The following SMC6 variants were observed in gnomAD, a reference collection of about 807,000 sequenced individuals.
The protein encoded by SMC6 is structural maintenance of chromosomes 6, also known as structural maintenance of chromosomes protein 6.
A neutral mutation model predicts 142.2 loss-of-function variants in SMC6; 79 were observed. The ratio of observed to expected loss-of-function variants is 0.56; its 90% CI spans 0.46 to 0.67. The LOEUF is 0.67. SMC6 is among the 30% of genes least tolerant of loss of function. The probability of loss-of-function intolerance (pLI) is 0.00; values close to 1 mark genes in which losing one functional copy is unlikely to be tolerated. For missense variants in SMC6, 1,072 were observed against 1,284.0 expected, an observed-to-expected ratio of 0.83 and a Z score of 2.52; for synonymous variants, 411 against 412.4, an observed-to-expected ratio of 1.00 and a Z score of 0.04.
At position 17,745,872 on chromosome 2, in the gene SMC6, A is replaced by G. The variant is rs774124113; in HGVS notation, c.75T>C (p.Asp25=). 4 of 1,612,588 alleles carry G rather than the reference A, an allele frequency of 2.5e-6. No homozygotes were observed. The Admixed American group carries it at 6.7e-5, about 27-fold the overall frequency. Residue 25 remains aspartate (D), a synonymous_variant, in exon 3 of 28, where the codon GAT becomes GAC. Coordinates refer to ENST00000448223, the MANE Select transcript of SMC6 (RefSeq NM_001142286.2). ...CGTCTTCGTCACCATCTTTATCAAAATCCTCCAATTCTTCTTGTCTTGGCC... is the reference window on the plus strand; with the variant it reads ...CGTCTTCGTCACCATCTTTATCAAAGTCCTCCAATTCTTCTTGTCTTGGCC... ...AKRPRQEELE[D]FDKDGDEDEC...
chr2:17,669,797 C>T (rs1426247016), intron 26 of SMC6, among the ~76,000 whole-genome samples: 1 of 152,066 alleles, frequency 6.6e-6, no homozygotes, highest in African/African-American at 2.4e-5. Flanking sequence ...TACTATATGC[C>T]TGAACCACAG....
Position 17,707,325 on chromosome 2 carries a change from T to C in SMC6, c.1900A>G (p.Arg634Gly), listed in dbSNP as rs1458681423. The change falls in exon 18 of 28, where the codon AGA becomes GGA. Residue 634 changes from arginine to glycine, a missense_variant. Arg to Gly is a moderately radical substitution (Grantham distance 125, BLOSUM62 -2). This residue lies in a region of SMC6 where 994 missense variants were observed against 1,153.2 expected (regional missense o/e 0.86). Coordinates refer to ENST00000448223, the MANE Select transcript of SMC6 (RefSeq NM_001142286.2). ...MQSQKPPKNC[R>G]EAFTADGDQV... The stretch of plus-strand genomic sequence containing the variant: ...TCACCATCAGCAGTAAAAGCTTCTC[T>C]ACAATTTTTGGGTGGCTTTTGGGAC... 8.7e-6 allele frequency: 14 copies of C among 1,603,346 alleles called. No homozygotes were observed. Among genetic ancestry groups the C allele is most frequent in the Non-Finnish European group, 6.0e-6 (7 of 1,175,382 alleles).
intron 23 of SMC6, among the ~76,000 whole-genome samples, chr2:17,693,543 T>C (rs1021569938): frequency 1.3e-5 from 2 of 151,696 alleles, no homozygotes; most frequent in Non-Finnish European, 2.9e-5. Context: ...CGGGGCCGGC[T>C]GTGTGGTGGG....
Position 17,721,637 on chromosome 2 carries a change from A to G in SMC6, c.727-376T>C, listed in dbSNP as rs554697917. Among the ~76,000 whole-genome samples, 25 of 152,290 alleles carry G rather than the reference A, an allele frequency of 1.6e-4. 1 individual carries two copies. Among genetic ancestry groups the G allele is most frequent in the African/African-American group, 6.0e-4 (25 of 41,572 alleles). ...TCAATAGGCATTCCAAAGAGAATGTAAGGATGAGAAGAAATTTATTTCTGA... is the reference window on the plus strand; with the variant it reads ...TCAATAGGCATTCCAAAGAGAATGTGAGGATGAGAAGAAATTTATTTCTGA... On this transcript the variant is annotated intron_variant, in intron 9 of 27. Coordinates refer to ENST00000448223, the MANE Select transcript of SMC6 (RefSeq NM_001142286.2).
intron 4 of SMC6, among the ~76,000 whole-genome samples, chr2:17,739,835 C>G (rs1372320095): frequency 8.4e-6 from 1 of 119,048 alleles, no homozygotes; most frequent in Non-Finnish European, 1.7e-5. Flanking sequence ...CACACACACA[C>G]ACACACACAG....
At chr2:17,671,545 G>A (rs1281109228) in intron 25 of SMC6, among the ~76,000 whole-genome samples, 2 of 144,724 alleles carry the variant, frequency 1.4e-5, no homozygotes, top group Non-Finnish European at 3.0e-5. Flanking sequence ...GGAGACAGAG[G>A]TTGCAGTGAG....
chr2:17,712,118 G>A (rs1668856993), intron 16 of SMC6, among the ~76,000 whole-genome samples: 1 of 152,134 alleles, frequency 6.6e-6, no homozygotes, highest in Non-Finnish European at 1.5e-5. Flanking sequence ...TTGAAGGAAG[G>A]TGTATTTAAT....
chr2:17,670,525 C>T lies in SMC6; in HGVS notation c.2961G>A (p.Leu987=), dbSNP rs1282077650. 6 of 1,602,386 alleles carry T rather than the reference C, an allele frequency of 3.7e-6. No individual in the cohort carries two copies. The highest frequency in any genetic ancestry group is 5.1e-6 in the Non-Finnish European group (6 of 1,176,668). Residue 987 remains leucine, a synonymous_variant, in exon 26 of 28, where the codon TTG becomes TTA. Coordinates refer to ENST00000448223, the MANE Select transcript of SMC6 (RefSeq NM_001142286.2). The part of the protein sequence containing the change: ...NKAAFNDMRA[L]SGGERSFSTV... ...TGGAGAAAGAACGTTCACCTCCAGA[C>T]AAGGCTCTCATGTCATTGAAAGCAG...
At chr2:17,670,275 G>T in intron 26 of SMC6, 148 bp downstream of exon 26, 1 of 796,238 alleles carries the variant, frequency 1.3e-6, no homozygotes, top group Non-Finnish European at 1.9e-6. Context: ...TAGTTCTTTA[G>T]TTCTTCCCCA....
rs75260811 is a variant in SMC6 at position 17,699,392 on chromosome 2, G to T, written c.2394+816C>A. Among the ~76,000 whole-genome samples the T allele has an allele frequency of 4.8e-3, 736 of 152,154 alleles. 4 individuals are homozygous for T. The highest frequency in any genetic ancestry group is 0.016 in the African/African-American group (683 of 41,540). On this transcript the variant is annotated intron_variant, in intron 21 of 27. Transcript: ENST00000448223. ...TGTAAGACCTTTTCTTTAATTTCCA[G>T]AAGTTTCACTGTAATGTGTCTTATT...
At chr2:17,725,171 G>T in intron 9 of SMC6, 86 bp downstream of exon 9, 1 of 831,442 alleles carries the variant, frequency 1.2e-6, no homozygotes, top group Non-Finnish European at 1.9e-6. Flanking sequence ...TAAATATACA[G>T]ACACATAGTT....
chr2:17,710,984 C>T (rs1046461213), intron 16 of SMC6, among the ~76,000 whole-genome samples: 1 of 152,018 alleles, frequency 6.6e-6, no homozygotes, highest in Admixed American at 6.6e-5. Flanking sequence ...CTAGAAACGT[C>T]AGGCAGTCAA....
In SMC6 at chr2:17,665,453, C is replaced by T; in HGVS notation, c.*46G>A. 3 of 1,378,160 alleles carry T rather than the reference C, an allele frequency of 2.2e-6. No individual in the cohort carries two copies. Among genetic ancestry groups the T allele is most frequent in the Admixed American group, 2.2e-5 (1 of 46,438 alleles). 85.4% of individuals were successfully genotyped at this position (1,378,160 alleles called of 1,614,324 possible). The stretch of plus-strand genomic sequence containing the variant: ...TCAAAGAGTCCAGAATTTTTTTTCC[C>T]TTCACAAATCCTTCAACATCAGGAC... On this transcript the variant is annotated 3_prime_UTR_variant, in exon 28 of 28. Coordinates refer to ENST00000448223, the MANE Select transcript of SMC6 (RefSeq NM_001142286.2).
chr2:17,702,253 T>A (rs1236443724), intron 19 of SMC6, among the ~76,000 whole-genome samples: 1 of 152,180 alleles, frequency 6.6e-6, no homozygotes, highest in Non-Finnish European at 1.5e-5. Flanking sequence ...CAAAATATGA[T>A]CCAAGTAAGC....
Position 17,721,238 on chromosome 2 carries a change from C to G in SMC6, c.750G>C (p.Gln250His). The stretch of plus-strand genomic sequence containing the variant: ...GAAAACGTTCCTCTTTCTCTACACA[C>G]TGGCGCTTTAGTTCAGTAAGCCGCT... ...GEERLTELKRQCVEKEERFQS... is the reference protein window; with the variant it reads ...GEERLTELKRHCVEKEERFQS... The change falls in exon 10 of 28, where the codon CAG becomes CAC. Residue 250 changes from glutamine to histidine, a missense_variant. This residue lies in a region of SMC6 where 994 missense variants were observed against 1,153.2 expected (regional missense o/e 0.86). Transcript: ENST00000448223. 3.1e-6 allele frequency: 5 copies of G among 1,603,650 alleles called. No homozygotes were observed. Among genetic ancestry groups the G allele is most frequent in the South Asian group, 1.1e-5 (1 of 87,944 alleles).
intron 11 of SMC6, among the ~76,000 whole-genome samples, chr2:17,720,651 T>C (rs1433840046): frequency 6.6e-6 from 1 of 152,204 alleles, no homozygotes; most frequent in Admixed American, 6.5e-5. Context: ...AGTAAAAGCT[T>C]CATGCTCTTC....
chr2:17,682,901 G>C (rs1456699225), intron 24 of SMC6, among the ~76,000 whole-genome samples: 1 of 148,354 alleles, frequency 6.7e-6, no homozygotes, highest in South Asian at 2.1e-4. Flanking sequence ...TTTTTAATTT[G>C]TACAAGCTTA....
At chr2:17,691,267 T>G (rs927427235) in intron 23 of SMC6, among the ~76,000 whole-genome samples, 1 of 135,856 alleles carries the variant, frequency 7.4e-6, no homozygotes, top group Admixed American at 7.1e-5. Context: ...CACACCAGAA[T>G]ACTATTCAGC....
At chr2:17,691,206 TAATG>T (rs1247102252) in intron 23 of SMC6, among the ~76,000 whole-genome samples, 3 of 136,772 alleles carry the variant, frequency 2.2e-5, no homozygotes, top group South Asian at 2.4e-4. Flanking sequence ...ACATGTCCAT[TAATG>T]AATGAAGAGA....
Sources: allele counts gnomAD v4.1 joint callset (sites outside exome capture counted in the v4.1 genomes callset), GRCh38; gene constraint gnomAD v4.1.1; regional missense constraint gnomAD v4.1.1; transcripts MANE v1.5; gene names NCBI Gene and HGNC (gene_info 2026-07-23, HGNC 2026-07-21).